MAP4: variants seen among roughly 807,000 people sequenced by gnomAD.
MAP4 encodes microtubule-associated protein 4.
In MAP4, 76 loss-of-function variants were observed where a neutral mutation model predicts 170.2. The ratio of observed to expected loss-of-function variants is 0.45; its 90% CI spans 0.37 to 0.54. The LOEUF (loss-of-function observed/expected upper bound fraction) is 0.54. Ranked by LOEUF, MAP4 falls within the 20% of genes least tolerant of loss-of-function variation. MAP4 has a pLI of 0.00. For synonymous variants in MAP4, 909 were observed against 994.5 expected, an observed-to-expected ratio of 0.91 and a Z score of 1.62; for missense variants, 2,506 against 2,748.0, an observed-to-expected ratio of 0.91 and a Z score of 1.97.
chr3:47,928,793 CTG>C (rs542492083), intron 3 of MAP4, among the ~76,000 whole-genome samples: 232 of 150,078 alleles, frequency 1.5e-3, no homozygotes, highest in Non-Finnish European at 2.6e-3. Context: ...AAGGATAAAA[CTG>C]TCAAAAGCAA....
At chr3:47,969,445 C>T (rs984275857) in intron 3 of MAP4, among the ~76,000 whole-genome samples, 1 of 150,700 alleles carries the variant, frequency 6.6e-6, no homozygotes, top group African/African-American at 2.4e-5. Flanking sequence ...AGGATTAGTA[C>T]CATAATAGAT....
At chr3:48,087,825 A>G (rs1432558839) in intron 1 of MAP4, among the ~76,000 whole-genome samples, 1 of 152,210 alleles carries the variant, frequency 6.6e-6, no homozygotes, top group South Asian at 2.1e-4. Context: ...GAGAATCGAG[A>G]GGCCCTGGGG....
intron 3 of MAP4, among the ~76,000 whole-genome samples, chr3:47,956,149 G>A (rs1156955230): frequency 2.6e-5 from 4 of 152,000 alleles, no homozygotes; most frequent in African/African-American, 4.8e-5. Context: ...TGTGCAGCAC[G>A]ATCTATCATC....
At chr3:48,010,833 A>G (rs934875428) in intron 1 of MAP4, among the ~76,000 whole-genome samples, 1 of 152,176 alleles carries the variant, frequency 6.6e-6, no homozygotes, top group Admixed American at 6.5e-5. Context: ...CCCAGCCTAT[A>G]TCTTTCTCCC....
chr3:47,918,756 G>A lies in MAP4; in HGVS notation c.615C>T (p.Ser205=), dbSNP rs1474885230. 1.2e-6 allele frequency: 2 copies of A among 1,610,734 alleles called. No individual in the cohort carries two copies. The highest frequency in any genetic ancestry group is 1.7e-6 in the Non-Finnish European group (2 of 1,177,140). ...LNSPHSESFV[S]PEAVAEPPQP... ...GAGGAGGTTCTGCAACAGCCTCTGGGGAAACAAAGGACTCTGAGTGTGGAG... is the reference window on the plus strand; with the variant it reads ...GAGGAGGTTCTGCAACAGCCTCTGGAGAAACAAAGGACTCTGAGTGTGGAG... Residue 205 remains serine (S), a synonymous_variant, in exon 6 of 21, where the codon TCC becomes TCT. Coordinates refer to ENST00000683076, the MANE Select transcript of MAP4 (RefSeq NM_001385682.1).
chr3:47,909,789 A>G lies in MAP4; in HGVS notation c.4632T>C (p.Asp1544=). The G allele has an allele frequency of 6.2e-6, 10 of 1,614,028 alleles. No individual in the cohort carries two copies. The highest frequency in any genetic ancestry group is 7.6e-6 in the Non-Finnish European group (9 of 1,179,902). ...CAGATTCTCCTATCACATGCCCTTC[A>G]TCGATCCCTGCTTCATTTTTCATGG... ...ADSMKNEAGI[D]EGHVIGESES... Residue 1544 remains aspartate (D), a synonymous_variant, in exon 9 of 21, where the codon GAT becomes GAC. Transcript: ENST00000683076.
rs780892984 is a variant in MAP4, at chr3:47,977,875, G to A, written c.282C>T (p.Ser94=). 2.1e-5 allele frequency: 34 copies of A among 1,609,348 alleles called. No homozygotes were observed. The highest frequency in any genetic ancestry group is 3.3e-4 in the Middle Eastern group (2 of 6,072). The change falls in exon 3 of 21, where the codon AGC becomes AGT. Residue 94 remains serine, a synonymous_variant. Transcript: ENST00000683076. ...LANGGHGVEG[S]DTTGSPTEFL... ...CTGGGAATCACTTACCTGTAGTATCGCTCCCTTCTACTCCATGACCACCAT... is the reference window on the plus strand; with the variant it reads ...CTGGGAATCACTTACCTGTAGTATCACTCCCTTCTACTCCATGACCACCAT...
chr3:47,858,991 G>T (rs574993669), intron 17 of MAP4, among the ~76,000 whole-genome samples: 7 of 152,190 alleles, frequency 4.6e-5, no homozygotes, highest in Admixed American at 4.6e-4. Flanking sequence ...TTAGCCGGGC[G>T]TGGTGGCAGG....
At chr3:48,033,469 A>G (rs1467772855) in intron 1 of MAP4, among the ~76,000 whole-genome samples, 2 of 152,238 alleles carry the variant, frequency 1.3e-5, no homozygotes, top group Non-Finnish European at 2.9e-5. Flanking sequence ...ACAGAAAAGT[A>G]TATTAGTTTT....
Position 47,991,669 on chromosome 3 carries a change from C to CT in MAP4, c.223+6968dup, listed in dbSNP as rs879549636. On this transcript the variant is annotated intron_variant, in intron 2 of 20. Transcript: ENST00000683076. ...GTGACATGGAAAGAATCTGTCTTTT[C>CT]TTTTTTTTTTTTGAGACGGAATTTC... Among the ~76,000 whole-genome samples, 586 of 145,094 alleles carry CT rather than the reference C, an allele frequency of 4.0e-3. 3 individuals carry two copies. Among genetic ancestry groups the CT allele is most frequent in the African/African-American group, 0.012 (482 of 39,892 alleles).
At position 47,855,324 on chromosome 3, in the gene MAP4, T is replaced by G. The variant is rs970369109; in HGVS notation, c.6620A>C (p.Asn2207Thr). The change falls in exon 19 of 21, where the codon AAC becomes ACC. Residue 2207 changes from asparagine (N) to threonine (T), a missense_variant. Asn to Thr is a moderately conservative substitution (Grantham distance 65). Transcript: ENST00000683076. This position sits in a 1 kb window ranked among gnomAD's most constrained non-coding sequence, Gnocchi z 5.1. ...GDVKIESQKL[N>T]FKEKAQAKVG... ...CTTGGCCTGGGCCTTCTCCTTGAAGTTCAACTTCTGACTTTCAATCTTGAC... is the reference window on the plus strand; with the variant it reads ...CTTGGCCTGGGCCTTCTCCTTGAAGGTCAACTTCTGACTTTCAATCTTGAC... The G allele has an allele frequency of 6.2e-7, 1 of 1,613,972 alleles. No individual in the cohort carries two copies. The highest frequency in any genetic ancestry group is 1.7e-5 in the Admixed American group (1 of 60,014).
chr3:47,888,856 G>T (rs758673498), intron 10 of MAP4, among the ~76,000 whole-genome samples: 1 of 152,208 alleles, frequency 6.6e-6, no homozygotes, highest in Non-Finnish European at 1.5e-5. Context: ...GCCTCAAGGT[G>T]AATGAAGCGG....
Position 47,944,486 on chromosome 3 carries a change from T to C in MAP4, c.293-16136A>G, listed in dbSNP as rs114090344. Among the ~76,000 whole-genome samples, 622 of 152,010 alleles carry C rather than the reference T, an allele frequency of 4.1e-3. 8 individuals are homozygous for C. The highest frequency in any genetic ancestry group is 0.014 in the African/African-American group (594 of 41,500). The stretch of plus-strand genomic sequence containing the variant: ...TACCATAAATTTATCTACATCAGAG[T>C]CCATCATTACTTCTTTCCTTCCTAT... On this transcript the variant is annotated intron_variant, in intron 3 of 20. Coordinates refer to ENST00000683076, the MANE Select transcript of MAP4 (RefSeq NM_001385682.1).
chr3:48,011,270 T>TA (rs2100105096), intron 1 of MAP4, among the ~76,000 whole-genome samples: 1 of 152,298 alleles, frequency 6.6e-6, no homozygotes, highest in South Asian at 2.1e-4. Context: ...TCCCAGCCTG[T>TA]AATCTCCCAG....
chr3:47,959,280 A>C (rs1395795888), intron 3 of MAP4, among the ~76,000 whole-genome samples: 1 of 151,924 alleles, frequency 6.6e-6, no homozygotes, highest in Non-Finnish European at 1.5e-5. Flanking sequence ...TAGCCTGGAG[A>C]ACCCCCGTCT....
At chr3:47,977,824 T>C (rs1273363059) in intron 3 of MAP4, 41 bp downstream of exon 3, 1 of 1,327,942 alleles carries the variant, frequency 7.5e-7, no homozygotes, top group Non-Finnish European at 1.1e-6. Context: ...TCATTGTAAG[T>C]GCATCACCTA....
At chr3:48,045,298 ACT>A (rs1491207055) in intron 1 of MAP4, among the ~76,000 whole-genome samples, 1 of 151,818 alleles carries the variant, frequency 6.6e-6, no homozygotes, top group Admixed American at 6.6e-5. Flanking sequence ...AACATTAAAA[ACT>A]CTGTCAGTTA....
intron 1 of MAP4, among the ~76,000 whole-genome samples, chr3:48,086,273 A>G (rs1488444378): frequency 6.6e-6 from 1 of 152,086 alleles, no homozygotes; most frequent in Non-Finnish European, 1.5e-5. Context: ...CAGTGAGCCA[A>G]GATCATGCCA....
In MAP4 at chr3:47,984,318, A is replaced by T. The variant is rs564976455; in HGVS notation, c.224-6385T>A. 1.1e-4 allele frequency among the ~76,000 whole-genome samples: 16 copies of T among 152,224 alleles called. No individual in the cohort carries two copies. The South Asian group carries it at 3.1e-3, about 30-fold the overall frequency. On this transcript the variant is annotated intron_variant, in intron 2 of 20. Coordinates refer to ENST00000683076, the MANE Select transcript of MAP4 (RefSeq NM_001385682.1). ...CGGCCTCCCTGGTATTTTTGACCTA[A>T]AATGTGCAAAAGGGAATTTCTGATT...
Sources: allele counts gnomAD v4.1 joint callset (sites outside exome capture counted in the v4.1 genomes callset), GRCh38; gene constraint gnomAD v4.1.1; non-coding constraint Gnocchi (gnomAD v3.1); transcripts MANE v1.5; gene names NCBI Gene and HGNC (gene_info 2026-07-23, HGNC 2026-07-21).